The following MYH13 variants were observed in gnomAD, a reference collection of about 807,000 sequenced individuals.
MYH13 encodes the protein myosin-13.
A neutral mutation model predicts 232.1 loss-of-function variants in MYH13; 177 were observed. The ratio of observed to expected loss-of-function variants is 0.76; its 90% CI spans 0.67 to 0.86. MYH13 has a LOEUF of 0.86. Ranked by LOEUF, MYH13 falls within the 40% of genes least tolerant of loss-of-function variation. The pLI is 0.00. For missense variants in MYH13, 2,246 were observed against 2,405.9 expected (o/e 0.93, Z 1.39); for synonymous variants, 884 against 923.5 (o/e 0.96, Z 0.78).
chr17:10,311,462 C>G (rs1906506979), intron 32 of MYH13, among the ~76,000 whole-genome samples: 1 of 152,184 alleles, frequency 6.6e-6, no homozygotes, highest in Non-Finnish European at 1.5e-5. Flanking sequence ...GTACCATATA[C>G]AAAACGGTCA....
At position 10,309,540 on chromosome 17, in the gene MYH13, C is replaced by A; in HGVS notation, c.4947G>T (p.Thr1649=). The A allele has an allele frequency of 6.2e-7, 1 of 1,610,440 alleles. No homozygotes were observed. Among genetic ancestry groups the A allele is most frequent in the Non-Finnish European group, 8.5e-7 (1 of 1,178,328 alleles). The part of the protein sequence containing the change: ...QMAETQKHLR[T]VQGQLKDSQL... ...TGCTCACCTTGAGCTGGCCCTGGAC[C>A]GTGCGCAGATGCTTCTGGGTCTCTG... The change falls in exon 34 of 41, where the codon ACG becomes ACT. Residue 1649 remains threonine, a synonymous_variant. Coordinates refer to ENST00000252172, the MANE Select transcript of MYH13 (RefSeq NM_003802.3).
chr17:10,336,428 G>A (rs533140035), intron 18 of MYH13, among the ~76,000 whole-genome samples: 59 of 152,226 alleles, frequency 3.9e-4, no homozygotes, highest in African/African-American at 1.3e-3. Flanking sequence ...TGTGGGCAGT[G>A]GTATTAGCCA....
At chr17:10,314,585 A>C (rs1168630387) in intron 29 of MYH13, among the ~76,000 whole-genome samples, 5 of 152,124 alleles carry the variant, frequency 3.3e-5, no homozygotes, top group Non-Finnish European at 1.5e-5. Flanking sequence ...AAAGATCTTT[A>C]CCATACAACA....
intron 35 of MYH13, among the ~76,000 whole-genome samples, chr17:10,307,365 A>G (rs1906329235): frequency 6.6e-6 from 1 of 152,240 alleles, no homozygotes; most frequent in African/African-American, 2.4e-5. Context: ...AAATGATGAT[A>G]GACATACTAT....
chr17:10,369,156 A>C (rs1390632259), intron 2 of MYH13, among the ~76,000 whole-genome samples: 1 of 146,772 alleles, frequency 6.8e-6, no homozygotes, highest in Non-Finnish European at 1.6e-5. Flanking sequence ...TATAACTTCC[A>C]CAAATAAAAA....
intron 5 of MYH13, 66 bp downstream of exon 5, chr17:10,362,052 C>T: frequency 6.2e-7 from 1 of 1,611,840 alleles, no homozygotes; most frequent in Non-Finnish European, 8.5e-7. Flanking sequence ...TGGCCAACGC[C>T]CATCAAAAGC....
Position 10,303,196 on chromosome 17 carries a change from C to T in MYH13, c.5667G>A (p.Ala1889=), listed in dbSNP as rs764819259. The stretch of plus-strand genomic sequence containing the variant: ...ACTGCCGGGGACCTCCTGTGCTTAC[C>T]GCCTCCTCAGCCTGCCTCTTGTAAG... ...VKSYKRQAEE[A]EEQANTQLSR... is the part of the protein sequence containing the mutation. The change falls in exon 39 of 41, where the codon GCG becomes GCA. Residue 1889 remains alanine, a splice_region_variant and synonymous_variant. Transcript: ENST00000252172. 6.8e-5 allele frequency: 110 copies of T among 1,612,302 alleles called. No homozygotes were observed. Among genetic ancestry groups the T allele is most frequent in the East Asian group, 2.2e-4 (10 of 44,870 alleles).
rs141039502 is a variant in MYH13 at position 10,340,154 on chromosome 17, A to G, written c.2052T>C (p.Thr684=). 5.8e-4 allele frequency: 940 copies of G among 1,612,808 alleles called. 5 individuals are homozygous for G. Among genetic ancestry groups the G allele is most frequent in the Middle Eastern group, 4.3e-3 (26 of 6,062 alleles). The part of the protein sequence containing the change: ...VRCLIPNETK[T]PGVMDHYLVM... The stretch of plus-strand genomic sequence containing the variant: ...GCAAGATCTGCTGGTACTCACCAGG[A>G]GTCTTGGTCTCATTGGGAATCAGAC... Residue 684 remains threonine (T), a synonymous_variant, in exon 18 of 41, where the codon ACT becomes ACC. Transcript: ENST00000252172.
chr17:10,339,498 A>T (rs1334746954), intron 18 of MYH13, among the ~76,000 whole-genome samples: 1 of 152,242 alleles, frequency 6.6e-6, no homozygotes, highest in Non-Finnish European at 1.5e-5. Context: ...GACATGCAGT[A>T]TGGCTTCAAA....
intron 37 of MYH13, among the ~76,000 whole-genome samples, chr17:10,305,732 A>G (rs1906255675): frequency 6.6e-6 from 1 of 152,202 alleles, no homozygotes; most frequent in African/African-American, 2.4e-5. Flanking sequence ...ACATGGGTCT[A>G]AAAGGAAAAG....
At position 10,359,997 on chromosome 17, in the gene MYH13, C is replaced by T. The variant is rs372245602; in HGVS notation, c.608G>A (p.Gly203Glu). 83 of 1,613,912 alleles carry T rather than the reference C, an allele frequency of 5.1e-5. No homozygotes were observed. Among genetic ancestry groups the T allele is most frequent in the South Asian group, 3.5e-4 (32 of 91,070 alleles). Residue 203 changes from glycine (G) to glutamate (E), a missense_variant, in exon 7 of 41, where the codon GGG becomes GAG. Transcript: ENST00000252172. ...TGGCTGTGTCTCCTTCTTCTTGTCCCCGGTAACTGCAATTGTTGCAAAATA... is the reference window on the plus strand; with the variant it reads ...TGGCTGTGTCTCCTTCTTCTTGTCCTCGGTAACTGCAATTGTTGCAAAATA... ...IQYFATIAVT[G>E]DKKKETQPGK...
At chr17:10,321,250 T>C (rs1420747402) in intron 24 of MYH13, among the ~76,000 whole-genome samples, 6 of 152,252 alleles carry the variant, frequency 3.9e-5, no homozygotes, top group African/African-American at 1.4e-4. Context: ...GTAGCAGCTA[T>C]GTTTTACTGA....
Position 10,333,335 on chromosome 17 carries a change from G to A in MYH13, c.2057-144C>T, listed in dbSNP as rs141113586. On this transcript the variant is annotated intron_variant, in intron 18 of 40. Coordinates refer to ENST00000252172, the MANE Select transcript of MYH13 (RefSeq NM_003802.3). ...GAGTCAGTGCCAGCTCCAAGGTAGA[G>A]GGCTGGGGGTGGCTAGAGCCTGCCT... 296 of 652,100 alleles carry A rather than the reference G, an allele frequency of 4.5e-4. 1 individual carries two copies. The African/African-American group carries it at 4.9e-3, about 11-fold the overall frequency. 40.4% of individuals were successfully genotyped at this position (652,100 alleles called of 1,614,324 possible).
intron 23 of MYH13, among the ~76,000 whole-genome samples, chr17:10,322,627 G>GTTTTTTTTTTTTTTTTTTT (rs1470854182): frequency 7.6e-6 from 1 of 130,850 alleles, no homozygotes; most frequent in Non-Finnish European, 1.6e-5. Flanking sequence ...CAATGTTACA[G>GTTTTTTTTTTTTTTTTTTT]TTGTTTTTTT....
chr17:10,305,585 C>G (rs1906249446), intron 37 of MYH13, among the ~76,000 whole-genome samples: 1 of 152,140 alleles, frequency 6.6e-6, no homozygotes, highest in Non-Finnish European at 1.5e-5. Context: ...TTTTCCTCCT[C>G]CTCATCCTCC....
intron 27 of MYH13, 90 bp from the exon 28 acceptor site, chr17:10,316,115 G>T: frequency 1.4e-6 from 2 of 1,439,694 alleles, no homozygotes; most frequent in Non-Finnish European, 9.4e-7. Context: ...TTAGTTTCTT[G>T]TCAGGTAAAA....
chr17:10,343,912 G>C lies in MYH13; in HGVS notation c.1782C>G (p.Gly594=). Residue 594 remains glycine (G), a synonymous_variant, in exon 16 of 41, where the codon GGC becomes GGG. Coordinates refer to ENST00000252172, the MANE Select transcript of MYH13 (RefSeq NM_003802.3). ...GGGGGTCCTTGTTTTTGTCCAGCCA[G>C]CCGGCGATGTTGTAGTCCACGGTGC... ...YAGTVDYNIA[G]WLDKNKDPLN... 8 of 1,614,222 alleles carry C rather than the reference G, an allele frequency of 5.0e-6. No homozygotes were observed. The highest frequency in any genetic ancestry group is 6.8e-6 in the Non-Finnish European group (8 of 1,180,042).
intron 11 of MYH13, among the ~76,000 whole-genome samples, chr17:10,352,405 C>A (rs1205072136): frequency 2.6e-5 from 4 of 152,116 alleles, no homozygotes; most frequent in Non-Finnish European, 5.9e-5. Flanking sequence ...GCCTGGCCAA[C>A]ATGGGGAAAC....
rs769633891 is a variant in MYH13, at chr17:10,300,974, G to GA, written c.5803-10dup. ...CCTCATTCTTCCATCTTCTGTGGGA[G>GA]AAAAAAATAATTGTACATAGGAAAT... On this transcript the variant is annotated splice_polypyrimidine_tract_variant and intron_variant, in intron 40 of 40. Coordinates refer to ENST00000252172, the MANE Select transcript of MYH13 (RefSeq NM_003802.3). 1.6e-5 allele frequency: 25 copies of GA among 1,611,654 alleles called. No individual in the cohort carries two copies. The highest frequency in any genetic ancestry group is 1.1e-4 in the African/African-American group (8 of 74,706).
Sources: allele counts gnomAD v4.1 joint callset (sites outside exome capture counted in the v4.1 genomes callset), GRCh38; gene constraint gnomAD v4.1.1; transcripts MANE v1.5; gene names NCBI Gene and HGNC (gene_info 2026-07-23, HGNC 2026-07-21).